DCAKD: variants seen among roughly 807,000 people sequenced by gnomAD.
DCAKD encodes dephospho-CoA kinase domain containing.
DCAKD carries 15 observed loss-of-function variants against 18.7 expected under a neutral mutation model. The observed-to-expected ratio is 0.80, with a 90% CI of 0.54 to 1.24. DCAKD has a LOEUF of 1.24. DCAKD is among the 50% of genes most tolerant of loss of function. DCAKD has a pLI of 0.00. For synonymous variants in DCAKD, 130 were observed against 133.0 expected, an observed-to-expected ratio of 0.98 and a Z score of 0.16; for missense variants, 301 against 322.0, an observed-to-expected ratio of 0.93 and a Z score of 0.50.
At chr17:45,026,814 A>G (rs1422769684) in intron 4 of DCAKD, 16 of 985,288 alleles carry the variant, frequency 1.6e-5, no homozygotes, top group Non-Finnish European at 1.8e-5. Flanking sequence ...GGGAGACCAC[A>G]TATCTGTGGG....
chr17:45,040,353 C>T (rs1463502208), intron 1 of DCAKD, among the ~76,000 whole-genome samples: 1 of 146,814 alleles, frequency 6.8e-6, no homozygotes, highest in African/African-American at 2.5e-5. Flanking sequence ...TGCCATTGCA[C>T]TCCAGCCTGG....
In DCAKD at chr17:45,034,988, T is replaced by C. The variant is rs559725505; in HGVS notation, c.-103A>G. 263 of 1,227,656 alleles carry C rather than the reference T, an allele frequency of 2.1e-4. 4 individuals carry two copies. In the South Asian group the frequency reaches 3.3e-3, roughly 15 times the overall value. The allele number at this position is 1,227,656 out of a possible 1,614,324, so 76.0% of individuals were successfully genotyped here. On this transcript the variant is annotated 5_prime_UTR_variant, in exon 2 of 5. Coordinates refer to ENST00000651974, the MANE Select transcript of DCAKD (RefSeq NM_001288655.2). ...CGATGGGGGCGGTCCACCAGAGGAG[T>C]GCCAGAAGGACCTGCTTGGGAGAGG...
intron 1 of DCAKD, among the ~76,000 whole-genome samples, chr17:45,038,642 A>G (rs1315583892): frequency 6.6e-6 from 1 of 152,180 alleles, no homozygotes; most frequent in African/African-American, 2.4e-5. Flanking sequence ...ATGGGGGCTG[A>G]GGGGGTGTGT....
Position 45,057,627 on chromosome 17 carries a change from C to G in DCAKD, c.-118+3261G>C, listed in dbSNP as rs577340441. Among the ~76,000 whole-genome samples the G allele has an allele frequency of 3.4e-5, 5 of 147,516 alleles. No individual in the cohort carries two copies. The East Asian group carries it at 1.0e-3, about 30-fold the overall frequency. On this transcript the variant is annotated intron_variant, in intron 1 of 4. Coordinates refer to the DCAKD transcript ENST00000310604. ...TTGAGGCAGGAGAACTGCTGGAATCCAGGAGGCAGAGGTTGCAGTGAGCCG... is the reference window on the plus strand; with the variant it reads ...TTGAGGCAGGAGAACTGCTGGAATCGAGGAGGCAGAGGTTGCAGTGAGCCG...
chr17:45,042,246 T>A (rs946385760), intron 1 of DCAKD, among the ~76,000 whole-genome samples: 2 of 152,054 alleles, frequency 1.3e-5, no homozygotes, highest in African/African-American at 4.8e-5. Flanking sequence ...CTCTCACCAC[T>A]CCCTTTACTT....
chr17:45,054,270 CAG>C (rs2053757256), upstream of DCAKD, among the ~76,000 whole-genome samples: 1 of 149,714 alleles, frequency 6.7e-6, no homozygotes, highest in Non-Finnish European at 1.5e-5. Flanking sequence ...TTTTTTGAGA[CAG>C]AGTCTGGCTC....
At chr17:45,031,260 T>C in intron 3 of DCAKD, 1 of 985,280 alleles carries the variant, frequency 1.0e-6, no homozygotes, top group Non-Finnish European at 1.2e-6. Context: ...CTCAGCTGCT[T>C]GGTTTCCTGT....
At chr17:45,027,147 C>T (rs1353120657) in intron 4 of DCAKD, among the ~76,000 whole-genome samples, 1 of 152,042 alleles carries the variant, frequency 6.6e-6, no homozygotes, top group Non-Finnish European at 1.5e-5. Context: ...TTGAGACCAG[C>T]CTGGGCCACA....
chr17:45,027,465 A>T (rs2053078267), intron 4 of DCAKD, among the ~76,000 whole-genome samples: 1 of 152,208 alleles, frequency 6.6e-6, no homozygotes, highest in Non-Finnish European at 1.5e-5. Flanking sequence ...TAAAGCCTAG[A>T]TCCCTTTGGT....
chr17:45,024,281 G>A lies in DCAKD; in HGVS notation c.*152C>T, dbSNP rs1380992777. 8.2e-6 allele frequency: 8 copies of A among 978,188 alleles called. No homozygotes were observed. The highest frequency in any genetic ancestry group is 1.2e-5 in the Non-Finnish European group (8 of 691,856). The allele number at this position is 978,188 out of a possible 1,614,324, so 60.6% of individuals were successfully genotyped here. A position where few individuals can be genotyped will look rare whatever the true frequency, so the allele number is the denominator to read the frequency against. On this transcript the variant is annotated 3_prime_UTR_variant, in exon 5 of 5. Transcript: ENST00000651974. ...CACAGAGGCCCAGCCCTGATTCGGA[G>A]AGTCCGTGTGTGTGTGTGTGTGTGT... is the stretch of plus-strand genomic sequence containing the variant.
intron 1 of DCAKD, among the ~76,000 whole-genome samples, chr17:45,039,428 C>T (rs977865466): frequency 6.6e-6 from 1 of 152,152 alleles, no homozygotes; most frequent in South Asian, 2.1e-4. Flanking sequence ...GAATTTACTG[C>T]GAAACTTACA....
chr17:45,030,216 G>T, intron 3 of DCAKD, 37 bp from the exon 4 acceptor site: 1 of 1,583,146 alleles, frequency 6.3e-7, no homozygotes, highest in Non-Finnish European at 8.7e-7. Context: ...GTTCAATTCT[G>T]CAAGCGCACA....
At position 45,035,220 on chromosome 17, in the gene DCAKD, C is replaced by T. The variant is rs550261092; in HGVS notation, c.-114-221G>A. On this transcript the variant is annotated intron_variant, in intron 1 of 4. Transcript: ENST00000651974. Reference sequence around the variant, plus strand: ...ATGTGGCCAGGAGTGGTGGCTCACACCTGTAATCCCAGCACTTTGGGAGGC... The same window carrying T: ...ATGTGGCCAGGAGTGGTGGCTCACATCTGTAATCCCAGCACTTTGGGAGGC... 4.5e-4 allele frequency: 114 copies of T among 251,182 alleles called. 4 individuals carry two copies. The South Asian group carries it at 4.8e-3, about 10-fold the overall frequency. The allele number at this position is 251,182 out of a possible 1,614,324, so 15.6% of individuals were successfully genotyped here.
At chr17:45,031,854 G>A (rs545087107) in intron 3 of DCAKD, 45 of 985,430 alleles carry the variant, frequency 4.6e-5, no homozygotes, top group South Asian at 1.4e-4. Context: ...CTTATCTGAC[G>A]TTTGATTATA....
In DCAKD at chr17:45,024,723, C is replaced by A. The variant is rs148434115; in HGVS notation, c.406G>T (p.Asp136Tyr). The A allele has an allele frequency of 1.3e-6, 2 of 1,569,142 alleles. No individual in the cohort carries two copies. The highest frequency in any genetic ancestry group is 1.2e-5 in the South Asian group (1 of 85,960). The change falls in exon 5 of 5, where the codon GAC becomes TAC. Residue 136 changes from aspartate (D) to tyrosine (Y), a missense_variant and splice_region_variant. Asp to Tyr is a radical substitution (Grantham distance 160, BLOSUM62 -3). Coordinates refer to ENST00000651974, the MANE Select transcript of DCAKD (RefSeq NM_001288655.2). ...AGCCGTGCCAGCTGTGTGTCCCGGT[C>A]GCTAAGGATAGGGCAAAAGGGCACT... ...YMKHTVVVYC[D>Y]RDTQLARLMR...
chr17:45,058,741 C>T (rs1391894537), intron 1 of DCAKD, among the ~76,000 whole-genome samples: 1 of 151,748 alleles, frequency 6.6e-6, no homozygotes, highest in African/African-American at 2.4e-5. Flanking sequence ...TATTCTTCTT[C>T]TTACCTCTGA....
At chr17:45,037,955 G>A (rs2053342265) in intron 1 of DCAKD, among the ~76,000 whole-genome samples, 1 of 146,968 alleles carries the variant, frequency 6.8e-6, no homozygotes, top group South Asian at 2.2e-4. Context: ...TTTTAGTAGA[G>A]ATGGGGTTTC....
upstream of DCAKD, among the ~76,000 whole-genome samples, chr17:45,054,326 C>G (rs962202266): frequency 6.6e-6 from 1 of 151,936 alleles, no homozygotes; most frequent in Non-Finnish European, 1.5e-5. Flanking sequence ...CAGCTCACTG[C>G]AACCTCCGCC....
At chr17:45,046,725 G>A (rs182646076) in intron 1 of DCAKD, among the ~76,000 whole-genome samples, 1 of 151,696 alleles carries the variant, frequency 6.6e-6, no homozygotes, top group East Asian at 1.9e-4. Flanking sequence ...GATTTTCTGA[G>A]AGGCACAAAG....
Sources: allele counts gnomAD v4.1 joint callset (sites outside exome capture counted in the v4.1 genomes callset), GRCh38; gene constraint gnomAD v4.1.1; transcripts MANE v1.5; gene names NCBI Gene and HGNC (gene_info 2026-07-23, HGNC 2026-07-21).